GFOD2: variants seen among roughly 807,000 people sequenced by gnomAD.
GFOD2 encodes the protein Gfo/Idh/MocA-like oxidoreductase domain containing 2.
GFOD2 carries 9 observed loss-of-function variants against 24.6 expected under a neutral mutation model. The ratio of observed to expected loss-of-function variants is 0.37; its 90% CI spans 0.22 to 0.64. The LOEUF is 0.64. Ranked by LOEUF, GFOD2 falls within the 30% of genes least tolerant of loss-of-function variation. GFOD2 has a pLI of 0.65. For missense variants in GFOD2, 476 were observed against 532.5 expected, an observed-to-expected ratio of 0.89 and a Z score of 1.04; for synonymous variants, 211 against 224.8, an observed-to-expected ratio of 0.94 and a Z score of 0.55.
chr16:67,675,887 C>A lies in GFOD2; in HGVS notation c.426G>T (p.Val142=), dbSNP rs373292631. ...RMKQLISEHY[V]GAVMICDARI... ...GGGCATCACAGATCATCACCGCTCC[C>A]ACATAGTGTTCCGAAATCAGCTGTT... The change falls in exon 3 of 3, where the codon GTG becomes GTT. Residue 142 remains valine, a synonymous_variant. Transcript: ENST00000268797. 2 of 1,614,094 alleles carry A rather than the reference C, an allele frequency of 1.2e-6. No individual in the cohort carries two copies. The highest frequency in any genetic ancestry group is 2.7e-5 in the African/African-American group (2 of 74,958).
chr16:67,715,297 C>T (rs1250782243), intron 1 of GFOD2, among the ~76,000 whole-genome samples: 1 of 152,166 alleles, frequency 6.6e-6, no homozygotes, highest in Non-Finnish European at 1.5e-5. Flanking sequence ...TGACCTCAGG[C>T]GATCCACCTG....
chr16:67,682,875 C>CCGGT (rs1411595049), intron 2 of GFOD2: 5 of 972,470 alleles, frequency 5.1e-6, no homozygotes, highest in African/African-American at 1.8e-5. Context: ...TCCTTCATGT[C>CCGGT]CACCAGAGTC....
chr16:67,715,185 A>G (rs1229063167), intron 1 of GFOD2, among the ~76,000 whole-genome samples: 1 of 151,636 alleles, frequency 6.6e-6, no homozygotes, highest in African/African-American at 2.4e-5. Context: ...CAGCCTCCCT[A>G]GTAGCTAGGA....
At chr16:67,705,278 G>A (rs1051316614) in intron 1 of GFOD2, among the ~76,000 whole-genome samples, 7 of 152,124 alleles carry the variant, frequency 4.6e-5, no homozygotes, top group Admixed American at 1.3e-4. Context: ...CATGATCTCA[G>A]CTCACTGCAA....
chr16:67,712,274 TCTCCCCCTCCCC>T (rs756365088), intron 1 of GFOD2, among the ~76,000 whole-genome samples: 14 of 82,524 alleles, frequency 1.7e-4, no homozygotes, highest in Admixed American at 8.3e-4. Context: ...TCCCTCTCCC[TCTCCCCCTCCCC>T]CTCCCCCTCC....
At chr16:67,693,385 T>C (rs2053330987) in intron 1 of GFOD2, among the ~76,000 whole-genome samples, 1 of 151,986 alleles carries the variant, frequency 6.6e-6, no homozygotes, top group South Asian at 2.1e-4. Context: ...TTCAAGTAAG[T>C]GGCTGGGACT....
At chr16:67,715,298 G>T (rs1222462403) in intron 1 of GFOD2, among the ~76,000 whole-genome samples, 1 of 152,148 alleles carries the variant, frequency 6.6e-6, no homozygotes, top group Non-Finnish European at 1.5e-5. Context: ...GACCTCAGGC[G>T]ATCCACCTGC....
intron 1 of GFOD2, among the ~76,000 whole-genome samples, chr16:67,696,469 T>C (rs1257558633): frequency 6.6e-6 from 1 of 151,812 alleles, no homozygotes; most frequent in East Asian, 1.9e-4. Flanking sequence ...AACAACAGAA[T>C]GGACTAGAAT....
In GFOD2 at chr16:67,709,069, G is replaced by T. The variant is rs548001628; in HGVS notation, c.-88+10094C>A. ...TGTAATCCCAGGACTTTGGGAGGCCGAGGCAAGTGGATCACTTGAGCCCAA... is the reference window on the plus strand; with the variant it reads ...TGTAATCCCAGGACTTTGGGAGGCCTAGGCAAGTGGATCACTTGAGCCCAA... On this transcript the variant is annotated intron_variant, in intron 1 of 2. Transcript: ENST00000268797. Among the ~76,000 whole-genome samples the T allele has an allele frequency of 1.1e-3, 165 of 152,196 alleles. 1 individual carries two copies. Among genetic ancestry groups the T allele is most frequent in the Admixed American group, 1.9e-3 (29 of 15,276 alleles).
chr16:67,692,781 C>G (rs2053324306), intron 1 of GFOD2, among the ~76,000 whole-genome samples: 1 of 150,442 alleles, frequency 6.6e-6, no homozygotes, highest in African/African-American at 2.4e-5. Flanking sequence ...AATCTCAGCT[C>G]TTTGGGAGGC....
chr16:67,677,532 T>A (rs947566035), intron 2 of GFOD2: 1 of 152,192 alleles, frequency 6.6e-6, no homozygotes, highest in Non-Finnish European at 1.5e-5. Context: ...TCTTTTTGAC[T>A]CTTTGCCTCC....
In GFOD2 at chr16:67,685,825, G is replaced by A. The variant is rs528444343; in HGVS notation, c.-87-23C>T. 17 of 1,293,144 alleles carry A rather than the reference G, an allele frequency of 1.3e-5. No individual in the cohort carries two copies. In the South Asian group the frequency reaches 2.4e-4, roughly 18 times the overall value. The allele number at this position is 1,293,144 out of a possible 1,614,324, so 80.1% of individuals were successfully genotyped here. The stretch of plus-strand genomic sequence containing the variant: ...CTCCTAGAATAGCAAACATTACACT[G>A]GTTATTACTGGAGAGGACACTCAGC... On this transcript the variant is annotated intron_variant, in intron 1 of 2. Coordinates refer to ENST00000268797, the MANE Select transcript of GFOD2 (RefSeq NM_030819.4).
At chr16:67,702,945 T>C (rs2053414187) in intron 1 of GFOD2, among the ~76,000 whole-genome samples, 1 of 152,096 alleles carries the variant, frequency 6.6e-6, no homozygotes, top group Non-Finnish European at 1.5e-5. Context: ...TCACTGTGTG[T>C]GAGAAATCAG....
intron 1 of GFOD2, among the ~76,000 whole-genome samples, chr16:67,718,040 T>C (rs1277173116): frequency 6.6e-6 from 1 of 152,218 alleles, no homozygotes; most frequent in Non-Finnish European, 1.5e-5. Flanking sequence ...TAAAACTCTT[T>C]TGTTCTCTAG....
At chr16:67,708,962 G>A (rs914456433) in intron 1 of GFOD2, among the ~76,000 whole-genome samples, 3 of 152,138 alleles carry the variant, frequency 2.0e-5, no homozygotes, top group Admixed American at 2.0e-4. Context: ...AGAGGTGAGG[G>A]TCACGGCCCT....
At chr16:67,681,145 G>C in intron 2 of GFOD2, 1 of 985,446 alleles carries the variant, frequency 1.0e-6, no homozygotes, top group Non-Finnish European at 1.2e-6. Flanking sequence ...ACATATGGCT[G>C]ACCAGGGAGG....
At chr16:67,687,555 G>C (rs981354397) in intron 1 of GFOD2, among the ~76,000 whole-genome samples, 1 of 150,238 alleles carries the variant, frequency 6.7e-6, no homozygotes, top group African/African-American at 2.5e-5. Flanking sequence ...GCAGGAGAAT[G>C]GCGTGAACCC....
At chr16:67,677,924 C>T (rs1444313044) in intron 2 of GFOD2, 7 of 152,230 alleles carry the variant, frequency 4.6e-5, no homozygotes, top group Admixed American at 3.9e-4. Context: ...AAGAATGTGC[C>T]TTCTCCAGGT....
chr16:67,705,795 C>T (rs1268022666), intron 1 of GFOD2, among the ~76,000 whole-genome samples: 1 of 151,702 alleles, frequency 6.6e-6, no homozygotes, highest in Non-Finnish European at 1.5e-5. Context: ...AAAAAATTAG[C>T]TGGGCACGGT....
Sources: gnomAD v4.1 joint callset for allele counts (sites outside exome capture counted in the v4.1 genomes callset) on GRCh38, gnomAD v4.1.1 for gene constraint, MANE v1.5 for transcripts, NCBI Gene and HGNC (gene_info 2026-07-23, HGNC 2026-07-21) for gene names.